LIMS1: variants seen among roughly 807,000 people sequenced by gnomAD.
LIMS1 encodes the protein LIM zinc finger domain containing 1.
A neutral mutation model predicts 44.1 loss-of-function variants in LIMS1; 18 were observed. The ratio of observed to expected loss-of-function variants is 0.41; its 90% CI spans 0.28 to 0.61. The LOEUF (loss-of-function observed/expected upper bound fraction) is 0.61, where lower values mean the gene tolerates loss of function less well. Among genes scored for constraint, LIMS1 ranks in the 20% least tolerant of loss-of-function variants. The pLI is 0.32. For synonymous variants in LIMS1, 93 were observed against 149.1 expected, an observed-to-expected ratio of 0.62 and a Z score of 2.74; for missense variants, 201 against 422.0, an observed-to-expected ratio of 0.48 and a Z score of 4.59.
intron 1 of LIMS1, among the ~76,000 whole-genome samples, chr2:108,618,049 C>T (rs368463162): frequency 3.9e-5 from 6 of 152,266 alleles, no homozygotes; most frequent in African/African-American, 1.4e-4. Context: ...AGTAATTTCC[C>T]CATCACTGCA....
At chr2:108,682,118 A>G (rs1350882231) in intron 9 of LIMS1, among the ~76,000 whole-genome samples, 1 of 152,142 alleles carries the variant, frequency 6.6e-6, no homozygotes, top group Non-Finnish European at 1.5e-5. Flanking sequence ...TGATTGTTCC[A>G]GTTTTCCCTC....
intron 1 of LIMS1, chr2:108,621,549 G>T: frequency 1.1e-6 from 1 of 923,908 alleles, no homozygotes; most frequent in South Asian, 1.4e-5. Flanking sequence ...ATGCAGCGTT[G>T]GGAAGTACTC....
At chr2:108,575,571 A>G (rs1390243013) in intron 1 of LIMS1, among the ~76,000 whole-genome samples, 3 of 152,124 alleles carry the variant, frequency 2.0e-5, no homozygotes, top group Admixed American at 2.0e-4. Context: ...TCTTACTCCA[A>G]ATTCCTGCAT....
At chr2:108,665,784 A>G (rs1691713633) in intron 2 of LIMS1, among the ~76,000 whole-genome samples, 1 of 152,032 alleles carries the variant, frequency 6.6e-6, no homozygotes, top group South Asian at 2.1e-4. Context: ...TCGGCCTTCC[A>G]AAGTGCTGAG....
intron 1 of LIMS1, among the ~76,000 whole-genome samples, chr2:108,586,207 A>C (rs891095271): frequency 9.9e-5 from 15 of 152,150 alleles, no homozygotes; most frequent in African/African-American, 1.9e-4. Flanking sequence ...ACAAAAAAAA[A>C]CAAAAAAACA....
At chr2:108,592,545 T>A (rs903578407) in intron 1 of LIMS1, among the ~76,000 whole-genome samples, 1 of 152,184 alleles carries the variant, frequency 6.6e-6, no homozygotes, top group African/African-American at 2.4e-5. Context: ...AAAGTTTGTT[T>A]GCAGCCTGGG....
intron 1 of LIMS1, chr2:108,659,052 C>T (rs1258057143): frequency 1.0e-4 from 21 of 201,458 alleles, no homozygotes; most frequent in African/African-American, 4.0e-4. Context: ...TTCGTCTTAC[C>T]GATTAGGTAA....
intron 1 of LIMS1, among the ~76,000 whole-genome samples, chr2:108,647,377 A>T (rs905439160): frequency 2.6e-5 from 4 of 152,232 alleles, no homozygotes; most frequent in African/African-American, 9.6e-5. Flanking sequence ...GCTGAATTCT[A>T]CCAGAGGTAC....
intron 7 of LIMS1, 76 bp downstream of exon 7, chr2:108,676,774 T>C (rs1692594435): frequency 1.1e-6 from 1 of 906,078 alleles, no homozygotes; most frequent in Admixed American, 3.1e-5. Context: ...TACAAGGAAA[T>C]CTCTTGGAAG....
At chr2:108,611,379 G>A (rs1687591141) in intron 1 of LIMS1, among the ~76,000 whole-genome samples, 1 of 152,030 alleles carries the variant, frequency 6.6e-6, no homozygotes, top group South Asian at 2.1e-4. Context: ...TGAGCCCCGG[G>A]GAAGGAATAA....
At chr2:108,662,626 A>G (rs1691458736) in intron 2 of LIMS1, 1 of 981,268 alleles carries the variant, frequency 1.0e-6, no homozygotes, top group Non-Finnish European at 1.3e-6. Context: ...TGGTTAAATG[A>G]TATTAGAGAA....
At position 108,624,791 on chromosome 2, in the gene LIMS1, C is replaced by T. The variant is rs116253301; in HGVS notation, c.33-34814C>T. ...AAATAAATAAATAACAATATAGGGG[C>T]TGGTAGGCCGGGTGCGGTGGCTCAC... On this transcript the variant is annotated intron_variant, in intron 1 of 9. Coordinates refer to ENST00000544547, the Ensembl canonical transcript of LIMS1. 8.9e-3 allele frequency among the ~76,000 whole-genome samples: 1,342 copies of T among 150,088 alleles called. 6 individuals are homozygous for T. Among genetic ancestry groups the T allele is most frequent in the Non-Finnish European group, 0.013 (852 of 67,560 alleles).
At chr2:108,571,537 C>T (rs1483708812) in intron 1 of LIMS1, among the ~76,000 whole-genome samples, 4 of 152,074 alleles carry the variant, frequency 2.6e-5, no homozygotes, top group South Asian at 4.1e-4. Flanking sequence ...CATAATTGCA[C>T]GGAATCCTGT....
chr2:108,578,600 T>TC (rs1466809884), intron 1 of LIMS1, among the ~76,000 whole-genome samples: 1 of 146,484 alleles, frequency 6.8e-6, no homozygotes, highest in African/African-American at 2.5e-5. Flanking sequence ...TTTTTTTTTT[T>TC]TTTTTTTTTT....
intron 1 of LIMS1, among the ~76,000 whole-genome samples, chr2:108,546,722 T>G (rs1684495526): frequency 6.6e-6 from 1 of 151,886 alleles, no homozygotes; most frequent in Non-Finnish European, 1.5e-5. Context: ...AGTTTTATGT[T>G]AAATATCATA....
At chr2:108,564,354 T>C (rs1252031132) in intron 1 of LIMS1, among the ~76,000 whole-genome samples, 3 of 152,226 alleles carry the variant, frequency 2.0e-5, no homozygotes, top group Non-Finnish European at 2.9e-5. Context: ...TAATTTTATA[T>C]GCACTGAGAA....
intron 4 of LIMS1, 29 bp from the exon 5 acceptor site, chr2:108,672,851 T>C (rs1195320939): frequency 5.1e-6 from 3 of 589,444 alleles, no homozygotes; most frequent in Non-Finnish European, 8.2e-6. Context: ...GAACCTAAAA[T>C]TTTAAATTTA....
At chr2:108,682,109 GATTGTTCCAGTTTTCCCTC>G (rs1693042225) in intron 9 of LIMS1, among the ~76,000 whole-genome samples, 1 of 152,122 alleles carries the variant, frequency 6.6e-6, no homozygotes, top group African/African-American at 2.4e-5. Context: ...TTACCAGCAT[GATTGTTCCAGTTTTCCCTC>G]ATAGTTACCA....
intron 1 of LIMS1, among the ~76,000 whole-genome samples, chr2:108,628,537 G>C (rs781416823): frequency 4.6e-5 from 7 of 152,226 alleles, no homozygotes; most frequent in African/African-American, 1.7e-4. Context: ...ATGTTGCCTA[G>C]GCTGCAGTGA....
Sources: gnomAD v4.1 joint callset for allele counts (sites outside exome capture counted in the v4.1 genomes callset) on GRCh38, gnomAD v4.1.1 for gene constraint, MANE v1.5 for transcripts, NCBI Gene and HGNC (gene_info 2026-07-23, HGNC 2026-07-21) for gene names.